Variants in MOB2 observed in about 807,000 individuals in gnomAD.
The protein encoded by MOB2 is MOB kinase activator 2, also known as MOB2 Mps One Binder homolog.
MOB2 carries 14 observed loss-of-function variants against 27.4 expected under a neutral mutation model. The ratio of observed to expected loss-of-function variants is 0.51; its 90% confidence interval spans 0.34 to 0.80. The LOEUF is 0.80. Ranked by LOEUF, MOB2 falls within the 30% of genes least tolerant of loss-of-function variation. MOB2 has a pLI of 0.01. For missense variants in MOB2, 304 were observed against 354.6 expected (o/e 0.86, Z 1.15); for synonymous variants, 167 against 151.8 (o/e 1.10, Z -0.74).
rs779849588 is a variant in MOB2, at chr11:1,470,022, C to CT, written c.*149dup. The CT allele has an allele frequency of 6.5e-6, 10 of 1,532,330 alleles. No individual in the cohort carries two copies. The South Asian group carries it at 1.2e-4, about 18-fold the overall frequency. The allele number at this position is 1,532,330 out of a possible 1,614,324, so 94.9% of individuals were successfully genotyped here. On this transcript the variant is annotated 3_prime_UTR_variant, in exon 5 of 5. Transcript: ENST00000329957. ...AGGACACGGCCGGGGCCGTCTGCGTCTGTGCCTGTGCAGCCCACACCAGTG... is the reference window on the plus strand; with the variant it reads ...AGGACACGGCCGGGGCCGTCTGCGTCTTGTGCCTGTGCAGCCCACACCAGTG...
intron 3 of MOB2, among the ~76,000 whole-genome samples, chr11:1,476,946 C>G (rs1038982755): frequency 6.6e-6 from 1 of 152,086 alleles, no homozygotes; most frequent in South Asian, 2.1e-4. Flanking sequence ...AAACTTACTT[C>G]GTATGGTTTT....
In MOB2 at chr11:1,486,363, C is replaced by G. The variant is rs527524596; in HGVS notation, c.110+84G>C. 3.7e-5 allele frequency: 41 copies of G among 1,095,534 alleles called. No individual in the cohort carries two copies. In the East Asian group the frequency reaches 7.5e-4, roughly 20 times the overall value. 67.9% of individuals were successfully genotyped at this position (1,095,534 alleles called of 1,614,324 possible). A position where few individuals can be genotyped will look rare whatever the true frequency, so the allele number is the denominator to read the frequency against. ...CCACGGACACAGTCCGCCGCCTCCCCACCCTGACCTCCTTCCTGGGGGCAA... is the reference window on the plus strand; with the variant it reads ...CCACGGACACAGTCCGCCGCCTCCCGACCCTGACCTCCTTCCTGGGGGCAA... On this transcript the variant is annotated intron_variant, in intron 1 of 4. Transcript: ENST00000329957.
At position 1,469,701 on chromosome 11, in the gene MOB2, C is replaced by G. The variant is rs928911974; in HGVS notation, c.*471G>C. The G allele has an allele frequency of 1.1e-5, 5 of 458,572 alleles. No homozygotes were observed. Among genetic ancestry groups the G allele is most frequent in the African/African-American group, 6.0e-5 (3 of 50,172 alleles). The allele number at this position is 458,572 out of a possible 1,614,324, so 28.4% of individuals were successfully genotyped here. On this transcript the variant is annotated 3_prime_UTR_variant, in exon 5 of 5. Coordinates refer to ENST00000329957, the MANE Select transcript of MOB2 (RefSeq NM_001172223.3). Reference sequence around the variant, plus strand: ...ACCTCTGAGCTGCCAACAGCCAAGACTCCTGGCGAGGCCGGGAGAGGAGGG... The same window carrying G: ...ACCTCTGAGCTGCCAACAGCCAAGAGTCCTGGCGAGGCCGGGAGAGGAGGG...
intron 3 of MOB2, among the ~76,000 whole-genome samples, chr11:1,476,014 G>A (rs1847848944): frequency 6.6e-6 from 1 of 152,230 alleles, no homozygotes; most frequent in Non-Finnish European, 1.5e-5. Context: ...AGCAACCTGA[G>A]CACGAGCACC....
At chr11:1,479,858 C>A (rs573220121) in intron 3 of MOB2, among the ~76,000 whole-genome samples, 4 of 152,248 alleles carry the variant, frequency 2.6e-5, no homozygotes, top group Non-Finnish European at 5.9e-5. Context: ...GGCCTGGCGG[C>A]GCTCCTTCCC....
At position 1,476,228 on chromosome 11, in the gene MOB2, A is replaced by G. The variant is rs894604905; in HGVS notation, c.365+4165T>C. Among the ~76,000 whole-genome samples the G allele has an allele frequency of 1.2e-4, 18 of 152,364 alleles. No homozygotes were observed. In the South Asian group the frequency reaches 3.5e-3, roughly 30 times the overall value. On this transcript the variant is annotated intron_variant, in intron 3 of 4. Coordinates refer to ENST00000329957, the MANE Select transcript of MOB2 (RefSeq NM_001172223.3). ...TGACTGTGGGTAACGGAAACTGTAG[A>G]TAAGGGGGGCTTATTGTTTTATTTC...
chr11:1,486,621 A>C lies in MOB2; in HGVS notation c.-65T>G. On this transcript the variant is annotated 5_prime_UTR_variant, in exon 1 of 5. Transcript: ENST00000329957. ...GGTGCCGGCTGGCCAGCACTCGCAA[A>C]TGCCTGCTGCCGGGCCCTCCAGCCT... is the stretch of plus-strand genomic sequence containing the variant. The C allele has an allele frequency of 8.9e-7, 1 of 1,125,864 alleles. No individual in the cohort carries two copies. The highest frequency in any genetic ancestry group is 2.6e-5 in the East Asian group (1 of 38,608). The allele number at this position is 1,125,864 out of a possible 1,614,324, so 69.7% of individuals were successfully genotyped here. A position where few individuals can be genotyped will look rare whatever the true frequency, so the allele number is the denominator to read the frequency against.
rs747568880 is a variant in MOB2 at position 1,470,348 on chromosome 11, C to T, written c.631G>A (p.Val211Ile). ...TCCCGAGCAAAGAGGATGAAGTGGA[C>T]GTAGAGCGTGTTCAAGTGTCCGTGC... The part of the protein sequence containing the change: ...ELHGHLNTLY[V>I]HFILFAREFN... The change falls in exon 5 of 5, where the codon GTC becomes ATC. Residue 211 changes from valine (V) to isoleucine (I), a missense_variant. Coordinates refer to ENST00000329957, the MANE Select transcript of MOB2 (RefSeq NM_001172223.3). 6 of 1,613,606 alleles carry T rather than the reference C, an allele frequency of 3.7e-6. No individual in the cohort carries two copies. The highest frequency in any genetic ancestry group is 1.3e-5 in the African/African-American group (1 of 75,058).
chr11:1,475,986 C>T (rs769132682), intron 3 of MOB2, among the ~76,000 whole-genome samples: 2 of 152,162 alleles, frequency 1.3e-5, no homozygotes, highest in African/African-American at 2.4e-5. Flanking sequence ...CGCTTTGGGC[C>T]GCCTCATGTC....
chr11:1,480,864 A>G lies in MOB2; in HGVS notation c.132T>C (p.Asn44=). ...KVLRKSKAKP[N]GKKPAAEERK... ...TCTCCTCCGCAGCGGGCTTCTTGCC[A>G]TTAGGCTTGGCTTTGGACTTCCTGC... Residue 44 remains asparagine (N), a synonymous_variant, in exon 2 of 5, where the codon AAT becomes AAC. Coordinates refer to ENST00000329957, the MANE Select transcript of MOB2 (RefSeq NM_001172223.3). 1 of 1,561,940 alleles carries G rather than the reference A, an allele frequency of 6.4e-7. No homozygotes were observed. Among genetic ancestry groups the G allele is most frequent in the Middle Eastern group, 1.7e-4 (1 of 5,988 alleles).
chr11:1,477,968 G>A (rs1486506398), intron 3 of MOB2, among the ~76,000 whole-genome samples: 1 of 152,072 alleles, frequency 6.6e-6, no homozygotes, highest in African/African-American at 2.4e-5. Context: ...GCTTTCTCTT[G>A]GGCCACTGAA....
chr11:1,486,692 C>G lies in MOB2; in HGVS notation c.-136G>C, dbSNP rs1475950358. The G allele has an allele frequency of 1.6e-6, 1 of 636,930 alleles. No homozygotes were observed. Among genetic ancestry groups the G allele is most frequent in the Non-Finnish European group, 2.8e-6 (1 of 360,306 alleles). The allele number at this position is 636,930 out of a possible 1,614,324, so 39.5% of individuals were successfully genotyped here. On this transcript the variant is annotated 5_prime_UTR_variant, in exon 1 of 5. Transcript: ENST00000329957. ...GCCTGGCAGAGACAAACAGCTGCCC[C>G]CTTTCCAGAGGCAAGGGCTGGCCAA...
Position 1,486,601 on chromosome 11 carries a change from C to T in MOB2, c.-45G>A, listed in dbSNP as rs1165971230. 5.0e-6 allele frequency: 7 copies of T among 1,390,454 alleles called. No homozygotes were observed. The highest frequency in any genetic ancestry group is 1.4e-5 in the African/African-American group (1 of 70,180). The allele number at this position is 1,390,454 out of a possible 1,614,324, so 86.1% of individuals were successfully genotyped here. A position where few individuals can be genotyped will look rare whatever the true frequency, so the allele number is the denominator to read the frequency against. On this transcript the variant is annotated 5_prime_UTR_variant, in exon 1 of 5. Transcript: ENST00000329957. ...GGGGAGGAGAAGCGGGGCGGGGTGC[C>T]GGCTGGCCAGCACTCGCAAATGCCT... is the stretch of plus-strand genomic sequence containing the variant.
At position 1,470,084 on chromosome 11, in the gene MOB2, C is replaced by G. The variant is rs1847763208; in HGVS notation, c.*88G>C. The G allele has an allele frequency of 6.5e-7, 1 of 1,543,958 alleles. No homozygotes were observed. On this transcript the variant is annotated 3_prime_UTR_variant, in exon 5 of 5. Coordinates refer to ENST00000329957, the MANE Select transcript of MOB2 (RefSeq NM_001172223.3). ...CCTCTCAGACCTCACCACACGCGTG[C>G]CCAGCACATGTGTGCACACGCAGAT...
At position 1,486,428 on chromosome 11, in the gene MOB2, C is replaced by T. The variant is rs1590769494; in HGVS notation, c.110+19G>A. 1 of 1,524,280 alleles carries T rather than the reference C, an allele frequency of 6.6e-7. No homozygotes were observed. Among genetic ancestry groups the T allele is most frequent in the South Asian group, 1.2e-5 (1 of 83,806 alleles). The allele number at this position is 1,524,280 out of a possible 1,614,324, so 94.4% of individuals were successfully genotyped here. On this transcript the variant is annotated intron_variant, in intron 1 of 4. Coordinates refer to ENST00000329957, the MANE Select transcript of MOB2 (RefSeq NM_001172223.3). ...GATGTGCTACACACCCCTCCCCCAG[C>T]CAGGCTGGCAGGTGTTACCTGAGCA... is the stretch of plus-strand genomic sequence containing the variant.
In MOB2 at chr11:1,470,151, C is replaced by T; in HGVS notation, c.*21G>A. 6.4e-7 allele frequency: 1 copy of T among 1,571,592 alleles called. No homozygotes were observed. The highest frequency in any genetic ancestry group is 1.2e-5 in the South Asian group (1 of 86,916). ...ACCACCGTCTCTTTGCACACGTGTGCCCCTGTCCGGCCCGGGGGGCTCATC... is the reference window on the plus strand; with the variant it reads ...ACCACCGTCTCTTTGCACACGTGTGTCCCTGTCCGGCCCGGGGGGCTCATC... On this transcript the variant is annotated 3_prime_UTR_variant, in exon 5 of 5. Transcript: ENST00000329957.
chr11:1,486,414 C>T, intron 1 of MOB2, 33 bp downstream of exon 1: 7 of 1,476,642 alleles, frequency 4.7e-6, no homozygotes, highest in Non-Finnish European at 5.5e-6. Flanking sequence ...ATGTGCTACA[C>T]ACCCCTCCCC....
intron 1 of MOB2, among the ~76,000 whole-genome samples, chr11:1,485,798 C>T (rs1267111753): frequency 6.6e-6 from 1 of 152,246 alleles, no homozygotes; most frequent in Non-Finnish European, 1.5e-5. Flanking sequence ...CACGCCCCTG[C>T]ACACACCGAG....
intron 3 of MOB2, 66 bp from the exon 4 acceptor site, chr11:1,471,485 C>T: frequency 1.3e-6 from 2 of 1,555,140 alleles, no homozygotes; most frequent in Non-Finnish European, 1.7e-6. Context: ...CTGGGTCCCA[C>T]CCGCTCAGGT....
Sources: gnomAD v4.1 joint callset for allele counts (sites outside exome capture counted in the v4.1 genomes callset) on GRCh38, gnomAD v4.1.1 for gene constraint, MANE v1.5 for transcripts, NCBI Gene and HGNC (gene_info 2026-07-23, HGNC 2026-07-21) for gene names.